The following PTPRK variants were observed in gnomAD, a reference collection of about 807,000 sequenced individuals.
PTPRK encodes the protein protein tyrosine phosphatase receptor type K, also known as receptor-type tyrosine-protein phosphatase kappa.
In PTPRK, 75 loss-of-function variants were observed where a neutral mutation model predicts 178.0. That is an observed-to-expected ratio of 0.42 (90% CI 0.35 to 0.51). The LOEUF is 0.51. PTPRK is among the 20% of genes least tolerant of loss of function. PTPRK has a pLI of 0.02. For missense variants in PTPRK, 1,441 were observed against 1,797.8 expected (o/e 0.80, Z 3.59); for synonymous variants, 637 against 620.6 (o/e 1.03, Z -0.39).
At chr6:128,369,096 T>TGCC (rs1223054191) in intron 2 of PTPRK, among the ~76,000 whole-genome samples, 1 of 152,208 alleles carries the variant, frequency 6.6e-6, no homozygotes, top group Non-Finnish European at 1.5e-5. Context: ...TCAAGTTTCC[T>TGCC]GCCTTTAAAA....
chr6:128,141,252 A>G lies in PTPRK; in HGVS notation c.1162+43180T>C, dbSNP rs1301498475. Among the ~76,000 whole-genome samples, 4 of 151,986 alleles carry G rather than the reference A, an allele frequency of 2.6e-5. No individual in the cohort carries two copies. The East Asian group carries it at 5.8e-4, about 22-fold the overall frequency. ...AAAATGTATTCTGCTATAGTAATAC[A>G]AATTTCCTTAAAGGTCAGGGGAACA... On this transcript the variant is annotated intron_variant, in intron 7 of 29. Coordinates refer to ENST00000368226, the MANE Select transcript of PTPRK (RefSeq NM_002844.4).
chr6:128,142,297 T>C (rs1264025488), intron 7 of PTPRK, among the ~76,000 whole-genome samples: 2 of 151,930 alleles, frequency 1.3e-5, no homozygotes, highest in Non-Finnish European at 2.9e-5. Flanking sequence ...TTGAGAGGCC[T>C]GCAAAGAAAC....
Position 128,082,526 on chromosome 6 carries a change from G to A in PTPRK, c.1688C>T (p.Pro563Leu). 6.2e-7 allele frequency: 1 copy of A among 1,613,270 alleles called. No individual in the cohort carries two copies. The highest frequency in any genetic ancestry group is 1.1e-5 in the South Asian group (1 of 91,068). ...STHHVFMHLHPGTTYQFFIRA... is the reference protein window; with the variant it reads ...STHHVFMHLHLGTTYQFFIRA... ...TATGAAAAACTGGTACGTGGTTCCA[G>A]GGTGGAGATGCATAAAGACATGGTG... The change falls in exon 10 of 30, where the codon CCT becomes CTT. Residue 563 changes from proline to leucine, a missense_variant. Physicochemically the swap from Pro to Leu is moderately conservative, Grantham distance 98. Around this residue, in one of 4 missense-constraint regions of PTPRK, gnomAD observed 945 missense variants for 1,080.6 expected, o/e 0.87. Transcript: ENST00000368226.
At chr6:128,449,708 A>G (rs1584772542) in intron 1 of PTPRK, among the ~76,000 whole-genome samples, 1 of 152,192 alleles carries the variant, frequency 6.6e-6, no homozygotes, top group African/African-American at 2.4e-5. Flanking sequence ...TAACTCAGTA[A>G]CTGAAAAGTC....
rs775126383 is a variant in PTPRK at position 128,184,718 on chromosome 6, T to C, written c.876A>G (p.Pro292=). The change falls in exon 7 of 30, where the codon CCA becomes CCG. Residue 292 remains proline (P), a synonymous_variant. Transcript: ENST00000368226. ...GAAGCTGAGGAGGAGCAATGGGTCT[T>C]GGCGGTTCTAGGAGAGATGAGTGTG... ...NFAQLIVREP[P]RPIAPPQLLG... 6.2e-7 allele frequency: 1 copy of C among 1,613,676 alleles called. No individual in the cohort carries two copies. Among genetic ancestry groups the C allele is most frequent in the Non-Finnish European group, 8.5e-7 (1 of 1,179,774 alleles).
chr6:128,059,700 C>A (rs1425586584), intron 13 of PTPRK, among the ~76,000 whole-genome samples: 1 of 152,060 alleles, frequency 6.6e-6, no homozygotes, highest in Non-Finnish European at 1.5e-5. Context: ...GCAACAGGCT[C>A]CTCAGGAAAG....
intron 13 of PTPRK, among the ~76,000 whole-genome samples, chr6:128,049,010 T>C (rs1030786515): frequency 6.6e-6 from 1 of 152,166 alleles, no homozygotes; most frequent in Non-Finnish European, 1.5e-5. Flanking sequence ...TATAGAAATA[T>C]TGATATCCAA....
chr6:128,289,005 C>T (rs1822953353), intron 3 of PTPRK, among the ~76,000 whole-genome samples: 1 of 152,066 alleles, frequency 6.6e-6, no homozygotes, highest in African/African-American at 2.4e-5. Context: ...CTTACTTCCA[C>T]CAAATCTATG....
chr6:128,223,519 A>G (rs1208176142), intron 5 of PTPRK, among the ~76,000 whole-genome samples: 2 of 152,048 alleles, frequency 1.3e-5, no homozygotes, highest in African/African-American at 4.8e-5. Flanking sequence ...TTAATATACT[A>G]ATATAACTAT....
intron 3 of PTPRK, among the ~76,000 whole-genome samples, chr6:128,316,819 C>A (rs186464183): frequency 6.6e-6 from 1 of 150,902 alleles, no homozygotes; most frequent in Non-Finnish European, 1.5e-5. Context: ...CTGGTTCAAG[C>A]GATTCTCCTG....
intron 1 of PTPRK, among the ~76,000 whole-genome samples, chr6:128,517,536 G>A (rs911441124): frequency 2.6e-5 from 4 of 152,306 alleles, no homozygotes; most frequent in East Asian, 1.9e-4. Context: ...AAGAATGTAT[G>A]AGTTGGGATT....
intron 3 of PTPRK, among the ~76,000 whole-genome samples, chr6:128,275,272 A>C (rs1390295400): frequency 6.6e-6 from 1 of 152,084 alleles, no homozygotes; most frequent in Non-Finnish European, 1.5e-5. Flanking sequence ...TTATGTTATA[A>C]ACAATGCTGC....
At chr6:128,495,837 T>C (rs1167977527) in intron 1 of PTPRK, among the ~76,000 whole-genome samples, 1 of 152,176 alleles carries the variant, frequency 6.6e-6, no homozygotes, top group Non-Finnish European at 1.5e-5. Flanking sequence ...TCCCCAGCCA[T>C]AGTGAGTGGG....
At chr6:128,388,794 C>T (rs1452899897) in intron 2 of PTPRK, among the ~76,000 whole-genome samples, 7 of 152,220 alleles carry the variant, frequency 4.6e-5, no homozygotes, top group Admixed American at 3.9e-4. Flanking sequence ...ATTTTAAATG[C>T]TTGGGATCAG....
At chr6:128,144,786 A>G (rs549328634) in intron 7 of PTPRK, among the ~76,000 whole-genome samples, 1 of 152,310 alleles carries the variant, frequency 6.6e-6, no homozygotes, top group South Asian at 2.1e-4. Context: ...ATAAATGCAT[A>G]TATTGCACCA....
At chr6:128,450,924 C>T (rs1264947713) in intron 1 of PTPRK, among the ~76,000 whole-genome samples, 1 of 152,116 alleles carries the variant, frequency 6.6e-6, no homozygotes, top group African/African-American at 2.4e-5. Context: ...CTGAACTAGC[C>T]ACTCTTTTCA....
At chr6:128,064,632 C>T in intron 13 of PTPRK, 126 bp downstream of exon 13, 1 of 1,228,370 alleles carries the variant, frequency 8.1e-7, no homozygotes, top group Non-Finnish European at 1.1e-6. Context: ...TAAAGACACC[C>T]ACATGAGTCA....
rs961666000 is a variant in PTPRK at position 128,399,566 on chromosome 6, C to G, written c.101-1878G>C. 2.0e-5 allele frequency among the ~76,000 whole-genome samples: 3 copies of G among 152,270 alleles called. No homozygotes were observed. The South Asian group carries it at 6.2e-4, about 32-fold the overall frequency. The stretch of plus-strand genomic sequence containing the variant: ...TGCTAGGAAATGTATCTTCACATAG[C>G]AAGAGGAAAGTTTTTCTCAAAATAT... On this transcript the variant is annotated intron_variant, in intron 1 of 29. Transcript: ENST00000368226.
chr6:128,411,776 T>A (rs1020577108), intron 1 of PTPRK, among the ~76,000 whole-genome samples: 5 of 152,240 alleles, frequency 3.3e-5, no homozygotes, highest in Middle Eastern at 6.3e-3. Context: ...TAGGGCTTTT[T>A]AAATTTATTT....
Sources: allele counts gnomAD v4.1 joint callset (sites outside exome capture counted in the v4.1 genomes callset), GRCh38; gene constraint gnomAD v4.1.1; regional missense constraint gnomAD v4.1.1; transcripts MANE v1.5; gene names NCBI Gene and HGNC (gene_info 2026-07-23, HGNC 2026-07-21).